HYCC1: variants seen among roughly 807,000 people sequenced by gnomAD.
HYCC1 encodes the protein hyccin.
chr7:22,951,768 T>C, the HYCC1 span, among the ~76,000 whole-genome samples: 3 of 151,930 alleles, frequency 2.0e-5, no homozygotes, highest in Non-Finnish European at 4.4e-5. Flanking sequence ...TGATATCATG[T>C]AGCCATTAAA....
At chr7:22,945,577 A>C in the HYCC1 span, 1 of 1,581,944 alleles carries the variant, frequency 6.3e-7, no homozygotes, top group Non-Finnish European at 8.7e-7. Flanking sequence ...TGGGAGAAAA[A>C]TATGTTACTA....
chr7:22,983,233 G>A, the HYCC1 span, among the ~76,000 whole-genome samples: 2 of 151,802 alleles, frequency 1.3e-5, no homozygotes, highest in Non-Finnish European at 2.9e-5. Context: ...GGGTGCTGAG[G>A]TGGGAGGATC....
the HYCC1 span, among the ~76,000 whole-genome samples, chr7:22,972,098 T>C: frequency 6.6e-6 from 1 of 152,144 alleles, no homozygotes; most frequent in African/African-American, 2.4e-5. Context: ...ATGAAAGCAA[T>C]GACTTATGTG....
the HYCC1 span, among the ~76,000 whole-genome samples, chr7:22,947,476 T>C: frequency 2.0e-5 from 3 of 152,110 alleles, no homozygotes; most frequent in African/African-American, 7.2e-5. Flanking sequence ...AGAGCATCAA[T>C]TCACGTTCTG....
At chr7:22,930,314 C>T in the HYCC1 span, among the ~76,000 whole-genome samples, 1 of 134,144 alleles carries the variant, frequency 7.5e-6, no homozygotes, top group Non-Finnish European at 1.5e-5. Flanking sequence ...GCACATTGTG[C>T]ACATGTACCC....
chr7:22,994,950 C>T, the HYCC1 span, among the ~76,000 whole-genome samples: 2 of 152,116 alleles, frequency 1.3e-5, no homozygotes, highest in East Asian at 1.9e-4. Flanking sequence ...TCTGGAAGGA[C>T]GATATACTTC....
chr7:23,011,337 C>T, the HYCC1 span, among the ~76,000 whole-genome samples: 1 of 152,160 alleles, frequency 6.6e-6, no homozygotes, highest in Non-Finnish European at 1.5e-5. Flanking sequence ...ATACAAACAT[C>T]TATCTATATC....
At chr7:22,919,993 A>G in the HYCC1 span, among the ~76,000 whole-genome samples, 1 of 152,244 alleles carries the variant, frequency 6.6e-6, no homozygotes, top group Non-Finnish European at 1.5e-5. Context: ...AGAGATACAA[A>G]TTCAGACACA....
chr7:22,925,519 G>C, the HYCC1 span, among the ~76,000 whole-genome samples: 4 of 152,308 alleles, frequency 2.6e-5, no homozygotes, highest in Admixed American at 6.5e-5. Flanking sequence ...CACGGCACGA[G>C]AACTACGTGA....
At chr7:22,924,446 T>G in the HYCC1 span, among the ~76,000 whole-genome samples, 3 of 151,930 alleles carry the variant, frequency 2.0e-5, no homozygotes, top group Non-Finnish European at 4.4e-5. Context: ...AAGAAAGGGG[T>G]GACAGACGGT....
chr7:22,906,539 C>T, the HYCC1 span, among the ~76,000 whole-genome samples: 1 of 149,990 alleles, frequency 6.7e-6, no homozygotes, highest in Non-Finnish European at 1.5e-5. Context: ...GATCGCGCCA[C>T]TGCAATCCAG....
chr7:22,962,563 C>T, the HYCC1 span, among the ~76,000 whole-genome samples: 3 of 146,794 alleles, frequency 2.0e-5, no homozygotes, highest in East Asian at 2.0e-4. Flanking sequence ...AAGACCAATT[C>T]GGCTCTGAGG....
At chr7:22,919,142 G>C in the HYCC1 span, among the ~76,000 whole-genome samples, 1 of 152,204 alleles carries the variant, frequency 6.6e-6, no homozygotes, top group Non-Finnish European at 1.5e-5. Context: ...AATTGCATGT[G>C]AGAGGGGCTA....
chr7:22,909,320 T>TC, the HYCC1 span, among the ~76,000 whole-genome samples: 3 of 152,084 alleles, frequency 2.0e-5, no homozygotes, highest in Non-Finnish European at 4.4e-5. Context: ...AGACACCTGC[T>TC]CCCCCTTTGC....
chr7:22,945,841 A>G, the HYCC1 span: 1 of 1,613,870 alleles, frequency 6.2e-7, no homozygotes, highest in East Asian at 2.2e-5. Context: ...AACCATGGCT[A>G]CTAGGCTTAG....
At chr7:22,960,140 C>T in the HYCC1 span, 1 of 1,128,456 alleles carries the variant, frequency 8.9e-7, no homozygotes, top group Non-Finnish European at 1.3e-6. Flanking sequence ...GGCAACTCCA[C>T]AGCTCTTTCT....
chr7:22,922,431 G>A, the HYCC1 span, among the ~76,000 whole-genome samples: 1 of 152,198 alleles, frequency 6.6e-6, no homozygotes, highest in Admixed American at 6.5e-5. Flanking sequence ...AGCCCACCTT[G>A]AACATGCTCA....
At chr7:22,902,882 A>C in the HYCC1 span, among the ~76,000 whole-genome samples, 486 of 152,318 alleles carry the variant, frequency 3.2e-3, 5 homozygotes, top group African/African-American at 0.011. Context: ...GGAACACTAA[A>C]GCATAGACCA....
At chr7:22,945,984 C>G in the HYCC1 span, 334 of 1,613,692 alleles carry the variant, frequency 2.1e-4, 1 homozygote, top group East Asian at 6.2e-3. Context: ...TTTTCTTTTC[C>G]TCCAGTTTTG....
Sources: gnomAD v4.1 joint callset for allele counts (sites outside exome capture counted in the v4.1 genomes callset) on GRCh38, gnomAD v4.1.1 for gene constraint, MANE v1.5 for transcripts, NCBI Gene and HGNC (gene_info 2026-07-23, HGNC 2026-07-21) for gene names.